Variants in LIG3 observed in about 807,000 individuals in gnomAD.
LIG3 encodes DNA ligase 3, also known as ligase II, DNA, ATP-dependent.
A neutral mutation model predicts 110.9 loss-of-function variants in LIG3; 58 were observed. That is an observed-to-expected ratio of 0.52 (90% CI 0.42 to 0.65). The LOEUF is 0.65. Ranked by LOEUF, LIG3 falls within the 30% of genes least tolerant of loss-of-function variation. The pLI, the probability that LIG3 is intolerant of heterozygous loss-of-function variation, is 0.00. For missense variants in LIG3, 1,094 were observed against 1,273.8 expected, an observed-to-expected ratio of 0.86 and a Z score of 2.15; for synonymous variants, 422 against 472.8, an observed-to-expected ratio of 0.89 and a Z score of 1.39.
At chr17:34,996,922 C>T (rs2090784212) in intron 11 of LIG3, 1 of 430,038 alleles carries the variant, frequency 2.3e-6, no homozygotes, top group Non-Finnish European at 4.2e-6. Context: ...AGAAGAAACC[C>T]AAACCCCCAA....
At position 34,996,044 on chromosome 17, in the gene LIG3, A is replaced by C. The variant is rs751035297; in HGVS notation, c.1612-20A>C. 6 of 1,608,004 alleles carry C rather than the reference A, an allele frequency of 3.7e-6. No homozygotes were observed. In the South Asian group the frequency reaches 5.5e-5, roughly 15 times the overall value. On this transcript the variant is annotated intron_variant, in intron 9 of 19. Coordinates refer to ENST00000378526, the MANE Select transcript of LIG3 (RefSeq NM_013975.4). ...CTGCTGCCATGTCATCCCTCACCAA[A>C]GCTCCCCTTCTGCTTTCAGGTGGCC...
chr17:34,991,401 T>G (rs2090719448), intron 5 of LIG3: 2 of 571,432 alleles, frequency 3.5e-6, no homozygotes, highest in Non-Finnish European at 6.1e-6. Context: ...GCTTTTATTC[T>G]GGACTCTTTT....
chr17:34,986,139 A>G lies in LIG3; in HGVS notation c.691+8A>G, dbSNP rs1351017269. The stretch of plus-strand genomic sequence containing the variant: ...AATTTTCTGGCTTTTCAGGTAAGAT[A>G]GGTTAGGGCTACTTTAGCTGTTATA... On this transcript the variant is annotated splice_region_variant and intron_variant, in intron 3 of 19. Coordinates refer to ENST00000378526, the MANE Select transcript of LIG3 (RefSeq NM_013975.4). 1 of 1,613,716 alleles carries G rather than the reference A, an allele frequency of 6.2e-7. No individual in the cohort carries two copies. Among genetic ancestry groups the G allele is most frequent in the East Asian group, 2.2e-5 (1 of 44,882 alleles).
intron 16 of LIG3, 37 bp downstream of exon 16, chr17:34,999,893 G>A (rs766825329): frequency 6.6e-7 from 1 of 1,521,178 alleles, no homozygotes; most frequent in South Asian, 1.1e-5. Context: ...CCAGCTCATA[G>A]AATTAGCTTG....
Position 34,996,045 on chromosome 17 carries a change from G to A in LIG3, c.1612-19G>A. The A allele has an allele frequency of 1.9e-6, 3 of 1,608,542 alleles. No individual in the cohort carries two copies. Among genetic ancestry groups the A allele is most frequent in the South Asian group, 1.1e-5 (1 of 90,322 alleles). ...TGCTGCCATGTCATCCCTCACCAAA[G>A]CTCCCCTTCTGCTTTCAGGTGGCCC... On this transcript the variant is annotated intron_variant, in intron 9 of 19. Transcript: ENST00000378526.
chr17:34,986,329 G>A (rs2090654841), intron 3 of LIG3, among the ~76,000 whole-genome samples, 198 bp downstream of exon 3: 2 of 151,858 alleles, frequency 1.3e-5, no homozygotes, highest in African/African-American at 4.8e-5. Flanking sequence ...TTTGGTTTTG[G>A]GGGTTTTTTT....
intron 7 of LIG3, 135 bp from the exon 8 acceptor site, chr17:34,992,389 A>G: frequency 9.8e-7 from 1 of 1,025,164 alleles, no homozygotes; most frequent in Non-Finnish European, 1.4e-6. Flanking sequence ...TCCTCTTGTG[A>G]AAGTCTTTAG....
At chr17:34,996,678 C>G in intron 11 of LIG3, 25 bp downstream of exon 11, 1 of 1,558,728 alleles carries the variant, frequency 6.4e-7, no homozygotes, top group Non-Finnish European at 8.8e-7. Flanking sequence ...ATCTTTAAAC[C>G]CAGAAACTGC....
intron 1 of LIG3, chr17:34,981,414 A>G (rs1346507513): frequency 6.6e-6 from 1 of 152,236 alleles, no homozygotes; most frequent in African/African-American, 2.4e-5. Context: ...GAATATCACG[A>G]AAGTGATAGA....
chr17:34,982,118 G>A (rs1308607067), intron 1 of LIG3, among the ~76,000 whole-genome samples: 1 of 152,110 alleles, frequency 6.6e-6, no homozygotes. Context: ...TACAGATAAG[G>A]AAGCTCAGGA....
rs749630328 is a variant in LIG3, at chr17:35,002,652, C to T, written c.2675-16C>T. ...AGGTGTGCACCACCACACCCAGCTT[C>T]CTCTCTGTCCTGCAGGCAACATGCA... On this transcript the variant is annotated splice_polypyrimidine_tract_variant and intron_variant, in intron 18 of 19. Coordinates refer to ENST00000378526, the MANE Select transcript of LIG3 (RefSeq NM_013975.4). 41 of 1,610,080 alleles carry T rather than the reference C, an allele frequency of 2.5e-5. No homozygotes were observed. Among genetic ancestry groups the T allele is most frequent in the Non-Finnish European group, 3.3e-5 (39 of 1,178,480 alleles).
intron 19 of LIG3, chr17:35,003,206 G>A (rs2090863471): frequency 2.0e-6 from 3 of 1,481,628 alleles, no homozygotes; most frequent in Admixed American, 2.2e-5. Flanking sequence ...GCGAGTCGGG[G>A]AGAGGGCACT....
chr17:34,990,661 T>C (rs2090709614), intron 4 of LIG3, among the ~76,000 whole-genome samples: 3 of 152,110 alleles, frequency 2.0e-5, no homozygotes, highest in Admixed American at 2.0e-4. Context: ...TACAGTGGTG[T>C]GATCACAGCT....
At chr17:34,986,787 G>A (rs188804544) in intron 3 of LIG3, among the ~76,000 whole-genome samples, 115 of 152,268 alleles carry the variant, frequency 7.6e-4, no homozygotes, top group Non-Finnish European at 1.5e-3. Flanking sequence ...AGAATTTTGA[G>A]AAATTGTTTC....
intron 7 of LIG3, 134 bp downstream of exon 7, chr17:34,992,169 A>C (rs1745283516): frequency 9.0e-6 from 7 of 775,620 alleles, no homozygotes; most frequent in Admixed American, 2.1e-5. Flanking sequence ...TGAGACCCTG[A>C]TCTGTCACTT....
At position 35,004,300 on chromosome 17, in the gene LIG3, C is replaced by T. The variant is rs2090876649; in HGVS notation, c.2824C>T (p.Arg942Trp). 5.0e-6 allele frequency: 8 copies of T among 1,614,096 alleles called. No individual in the cohort carries two copies. Among genetic ancestry groups the T allele is most frequent in the East Asian group, 2.2e-5 (1 of 44,862 alleles). ...ATTGCTGGACATCTTCACTGGGGTG[C>T]GGCTTTACTTGCCACCCTCCACACC... ...KVLLDIFTGV[R>W]LYLPPSTPDF... Residue 942 changes from arginine (R) to tryptophan (W), a missense_variant, in exon 20 of 20, where the codon CGG (arginine) becomes TGG (tryptophan). Physicochemically the swap from Arg to Trp is moderately radical, Grantham distance 101. Coordinates refer to ENST00000378526, the MANE Select transcript of LIG3 (RefSeq NM_013975.4).
At chr17:34,999,259 G>T in intron 14 of LIG3, 48 bp from the exon 15 acceptor site, 1 of 1,575,860 alleles carries the variant, frequency 6.3e-7, no homozygotes, top group South Asian at 1.2e-5. Flanking sequence ...CTTGGGACTG[G>T]CAGAGATGGC....
intron 3 of LIG3, among the ~76,000 whole-genome samples, chr17:34,987,917 G>A (rs376036323): frequency 7.2e-5 from 11 of 152,192 alleles, no homozygotes; most frequent in Non-Finnish European, 8.8e-5. Flanking sequence ...ATTCTGGGCC[G>A]GGCGCGGTGG....
chr17:35,001,408 C>T lies in LIG3; in HGVS notation c.2478+5C>T, dbSNP rs2090840578. On this transcript the variant is annotated splice_donor_5th_base_variant and intron_variant, in intron 17 of 19. Transcript: ENST00000378526. ...ACTAACCTTCCCCAACTCAAGGTAG[C>T]AGCTCTTAGGCTGTATATGTATTCT... 6.2e-7 allele frequency: 1 copy of T among 1,613,872 alleles called. No individual in the cohort carries two copies. Among genetic ancestry groups the T allele is most frequent in the Non-Finnish European group, 8.5e-7 (1 of 1,179,854 alleles).
Sources: allele counts gnomAD v4.1 joint callset (sites outside exome capture counted in the v4.1 genomes callset), GRCh38; gene constraint gnomAD v4.1.1; transcripts MANE v1.5; gene names NCBI Gene and HGNC (gene_info 2026-07-23, HGNC 2026-07-21).